Variants in PSG6 observed in about 807,000 individuals in gnomAD.
PSG6 encodes pregnancy specific beta-1-glycoprotein 6, also known as pregnancy-specific beta-1-glycoprotein 6.
PSG6 carries 51 observed loss-of-function variants against 43.3 expected under a neutral mutation model. The ratio of observed to expected loss-of-function variants is 1.18; its 90% CI spans 0.94 to 1.49. PSG6 has a LOEUF of 1.49. Among genes scored for constraint, PSG6 ranks in the 40% most tolerant of loss-of-function variants. PSG6 has a pLI of 0.00. For synonymous variants in PSG6, 292 were observed against 197.6 expected (o/e 1.48, Z -4.01); for missense variants, 770 against 522.2 (o/e 1.47, Z -4.62).
At chr19:42,911,269 C>T (rs976963539) in intron 2 of PSG6, among the ~76,000 whole-genome samples, 10 of 150,490 alleles carry the variant, frequency 6.6e-5, no homozygotes, top group Admixed American at 6.6e-4. Flanking sequence ...TTCTCATCAG[C>T]TTCCCTTGCC....
At chr19:42,904,276 C>G (rs1195703376) in intron 5 of PSG6, among the ~76,000 whole-genome samples, 4 of 151,582 alleles carry the variant, frequency 2.6e-5, no homozygotes, top group African/African-American at 9.7e-5. Context: ...TTTTATTCAA[C>G]ATAGTAGTGA....
intron 2 of PSG6, among the ~76,000 whole-genome samples, chr19:42,914,518 G>C (rs181518723): frequency 7.5e-6 from 1 of 132,982 alleles, no homozygotes; most frequent in African/African-American, 3.0e-5. Flanking sequence ...GGTGCCCCCA[G>C]CTCCACAGTC....
intron 5 of PSG6, among the ~76,000 whole-genome samples, chr19:42,903,070 A>C (rs948780530): frequency 2.4e-4 from 37 of 151,724 alleles, no homozygotes; most frequent in African/African-American, 8.5e-4. Context: ...AGCATGGTGT[A>C]AAAACTTTCC....
intron 5 of PSG6, 145 bp downstream of exon 5, chr19:42,906,777 T>C (rs1436668873): frequency 3.1e-6 from 5 of 1,589,948 alleles, no homozygotes; most frequent in South Asian, 2.3e-5. Context: ...TAGAGATAAG[T>C]TGGGAGGGTT....
In PSG6 at chr19:42,907,097, C is replaced by T. The variant is rs755420910; in HGVS notation, c.1065G>A (p.Ala355=). 111 of 1,612,532 alleles carry T rather than the reference C, an allele frequency of 6.9e-5. 5 individuals are homozygous for T. The highest frequency in any genetic ancestry group is 8.8e-5 in the Non-Finnish European group (104 of 1,179,268). The part of the protein sequence containing the change: ...SGENLDLSCF[A]DSNPPAEYSW... The stretch of plus-strand genomic sequence containing the variant: ...AATACTCTGCCGGTGGGTTAGAGTC[C>T]GCAAAGCAGGACAAGTCGAGGTTTT... The change falls in exon 5 of 6, where the codon GCG becomes GCA. Residue 355 remains alanine, a synonymous_variant. Coordinates refer to ENST00000187910, the MANE Select transcript of PSG6 (RefSeq NM_001031850.4).
At chr19:42,907,936 A>G in intron 3 of PSG6, 82 bp from the exon 4 acceptor site, 1 of 1,554,616 alleles carries the variant, frequency 6.4e-7, no homozygotes, top group Non-Finnish European at 8.8e-7. Context: ...GGCATCTCCC[A>G]CCTGTCAACC....
At chr19:42,907,526 T>C (rs2088174892) in intron 4 of PSG6, 50 bp downstream of exon 4, 7 of 1,605,686 alleles carry the variant, frequency 4.4e-6, no homozygotes, top group Non-Finnish European at 6.0e-6. Context: ...CCTCTGGTCG[T>C]TTGGAGTTAA....
chr19:42,906,734 G>A (rs1234489324), intron 5 of PSG6, 188 bp downstream of exon 5: 1 of 1,535,994 alleles, frequency 6.5e-7, no homozygotes, highest in Non-Finnish European at 8.8e-7. Flanking sequence ...GGTCAGCCAT[G>A]AGAAAACAGA....
At chr19:42,907,306 T>C in intron 4 of PSG6, 130 bp from the exon 5 acceptor site, 1 of 1,486,446 alleles carries the variant, frequency 6.7e-7, no homozygotes, top group Non-Finnish European at 9.0e-7. Flanking sequence ...CCCATCTATG[T>C]TTACTAAGCC....
Position 42,907,155 on chromosome 19 carries a change from A to G in PSG6, c.1007T>C (p.Ile336Thr). 1 of 1,612,550 alleles carries G rather than the reference A, an allele frequency of 6.2e-7. No homozygotes were observed. The highest frequency in any genetic ancestry group is 8.5e-7 in the Non-Finnish European group (1 of 1,179,164). ...ACGGTAATAGGTGAATGAAGGGTAA[A>G]TTCTGGGGAGGTCTGGACCATCTGG... ...NVLYGPDLPR[I>T]YPSFTYYRSG... Residue 336 changes from isoleucine to threonine, a missense_variant, in exon 5 of 6, where the codon ATT becomes ACT. Ile to Thr is a moderately conservative substitution (Grantham distance 89). Transcript: ENST00000187910.
chr19:42,906,241 A>C (rs771905972), intron 5 of PSG6, among the ~76,000 whole-genome samples: 1 of 151,598 alleles, frequency 6.6e-6, no homozygotes, highest in Non-Finnish European at 1.5e-5. Context: ...CTTCAGAGCC[A>C]GGATGCAGCT....
At position 42,909,390 on chromosome 19, in the gene PSG6, C is replaced by T. The variant is rs552762924; in HGVS notation, c.706+1190G>A. The stretch of plus-strand genomic sequence containing the variant: ...CTTTTTCTCAGTGTTTGTGTTGTGG[C>T]AGTCATTAAGAAGAGCCTGTCAGCT... On this transcript the variant is annotated intron_variant, in intron 3 of 5. Coordinates refer to ENST00000187910, the MANE Select transcript of PSG6 (RefSeq NM_001031850.4). Among the ~76,000 whole-genome samples, 15 of 151,586 alleles carry T rather than the reference C, an allele frequency of 9.9e-5. 1 individual carries two copies. The highest frequency in any genetic ancestry group is 2.9e-4 in the African/African-American group (12 of 41,316).
chr19:42,911,060 G>GTA (rs1568445302), intron 2 of PSG6, among the ~76,000 whole-genome samples: 4 of 151,658 alleles, frequency 2.6e-5, no homozygotes, highest in African/African-American at 9.7e-5. Flanking sequence ...TGTAGGAGAA[G>GTA]CATGGACTTT....
At position 42,912,303 on chromosome 19, in the gene PSG6, C is replaced by CA. The variant is rs1030699099; in HGVS notation, c.428-1446dup. On this transcript the variant is annotated intron_variant, in intron 2 of 5. Coordinates refer to ENST00000187910, the MANE Select transcript of PSG6 (RefSeq NM_001031850.4). ...TCATGTTATATTCTGACTCTAGTAA[C>CA]AAAAAAAATTTGGAGGAAACCTTAA... Among the ~76,000 whole-genome samples, 53 of 151,196 alleles carry CA rather than the reference C, an allele frequency of 3.5e-4. 2 individuals are homozygous for CA. The highest frequency in any genetic ancestry group is 1.2e-3 in the African/African-American group (50 of 41,230).
chr19:42,907,554 C>T (rs761055261), intron 4 of PSG6, 22 bp downstream of exon 4: 2 of 1,610,888 alleles, frequency 1.2e-6, no homozygotes. Flanking sequence ...TCCTGGCCCA[C>T]AGAGGAACAA....
intron 3 of PSG6, chr19:42,910,196 A>G: frequency 2.7e-6 from 1 of 376,514 alleles, no homozygotes; most frequent in South Asian, 2.8e-5. Context: ...GAATAATGTC[A>G]CAGGCGATAT....
At chr19:42,907,512 C>T in intron 4 of PSG6, 64 bp downstream of exon 4, 1 of 1,599,628 alleles carries the variant, frequency 6.3e-7, no homozygotes, top group Non-Finnish European at 8.5e-7. Flanking sequence ...ACTGAGAGGC[C>T]TGGCCTCTGG....
intron 2 of PSG6, among the ~76,000 whole-genome samples, chr19:42,914,094 G>T (rs1253850887): frequency 6.6e-6 from 1 of 151,608 alleles, no homozygotes; most frequent in Non-Finnish European, 1.5e-5. Context: ...CAATTACAAG[G>T]GTGGATGGGG....
At chr19:42,905,355 T>G (rs1358623463) in intron 5 of PSG6, among the ~76,000 whole-genome samples, 1 of 151,646 alleles carries the variant, frequency 6.6e-6, no homozygotes, top group African/African-American at 2.4e-5. Context: ...AAAACCACAA[T>G]GTTACAACAC....
Sources: allele counts gnomAD v4.1 joint callset (sites outside exome capture counted in the v4.1 genomes callset), GRCh38; gene constraint gnomAD v4.1.1; transcripts MANE v1.5; gene names NCBI Gene and HGNC (gene_info 2026-07-23, HGNC 2026-07-21).